The following LRP2 variants were observed in gnomAD, a reference collection of about 807,000 sequenced individuals.
LRP2 encodes low-density lipoprotein receptor-related protein 2.
LRP2 carries 172 observed loss-of-function variants against 531.0 expected under a neutral mutation model. That is an observed-to-expected ratio of 0.32 (90% CI 0.29 to 0.37). LRP2 has a LOEUF of 0.37. LRP2 is among the 10% of genes least tolerant of loss of function. LRP2 has a pLI of 1.00. For synonymous variants in LRP2, 1,992 were observed against 2,027.6 expected, an observed-to-expected ratio of 0.98 and a Z score of 0.47; for missense variants, 5,167 against 5,868.3, an observed-to-expected ratio of 0.88 and a Z score of 3.90.
At position 169,176,459 on chromosome 2, in the gene LRP2, C is replaced by G; in HGVS notation, c.10523G>C (p.Cys3508Ser). ...RTLQLSGSTY[C>S]MPMCSSTQFL... Reference sequence around the variant, plus strand: ...CTGGGTGCTGGAGCACATGGGCATGCAGTAGGTGCTGCCACTCAGCTGAAG... The same window carrying G: ...CTGGGTGCTGGAGCACATGGGCATGGAGTAGGTGCTGCCACTCAGCTGAAG... The change falls in exon 54 of 79, where the codon TGC (cysteine) becomes TCC (serine). Residue 3508 changes from cysteine (C) to serine (S), a missense_variant. Physicochemically the swap from Cys to Ser is moderately radical, Grantham distance 112 (BLOSUM62 -1). Coordinates refer to ENST00000649046, the MANE Select transcript of LRP2 (RefSeq NM_004525.3). 6.2e-7 allele frequency: 1 copy of G among 1,614,182 alleles called. No individual in the cohort carries two copies. The highest frequency in any genetic ancestry group is 8.5e-7 in the Non-Finnish European group (1 of 1,180,020).
At chr2:169,278,701 A>G (rs1157683759) in intron 12 of LRP2, among the ~76,000 whole-genome samples, 1 of 152,250 alleles carries the variant, frequency 6.6e-6, no homozygotes, top group Non-Finnish European at 1.5e-5. Flanking sequence ...CTGAATAATC[A>G]TCATTCACAA....
At chr2:169,283,272 T>C (rs1683755504) in intron 9 of LRP2, among the ~76,000 whole-genome samples, 1 of 152,228 alleles carries the variant, frequency 6.6e-6, no homozygotes, top group Non-Finnish European at 1.5e-5. Flanking sequence ...TGGTACTGCA[T>C]TTCATTTATT....
intron 37 of LRP2, 69 bp downstream of exon 37, chr2:169,211,899 T>C: frequency 6.3e-7 from 1 of 1,599,774 alleles, no homozygotes; most frequent in Admixed American, 1.7e-5. Flanking sequence ...AGAAATGTTT[T>C]CATGGCACCA....
rs1419894813 is a variant in LRP2, at chr2:169,157,377, A to G, written c.12013T>C (p.Cys4005Arg). Residue 4005 changes from cysteine (C) to arginine (R), a missense_variant, in exon 64 of 79, where the codon TGT becomes CGT. Physicochemically the swap from Cys to Arg is radical, Grantham distance 180. This residue lies in a region of LRP2 where 564 missense variants were observed against 747.7 expected (regional missense o/e 0.75). Transcript: ENST00000649046. ...TGGAAAAAATATACTCTACCTAGAC[A>G]GGAGGTTCTGTCAAAAACATTGGTT... ...FETNVFDRTS[C>R]LDINECEQFG... The G allele has an allele frequency of 6.2e-7, 1 of 1,613,300 alleles. No homozygotes were observed.
chr2:169,361,355 T>A (rs1559092792), intron 1 of LRP2, among the ~76,000 whole-genome samples: 1 of 94,238 alleles, frequency 1.1e-5, no homozygotes, highest in Non-Finnish European at 2.2e-5. Context: ...TCTCTGTCTC[T>A]CTCTCTCTCT....
intron 63 of LRP2, among the ~76,000 whole-genome samples, chr2:169,160,204 T>G (rs1196652013): frequency 1.3e-5 from 2 of 152,198 alleles, no homozygotes; most frequent in Non-Finnish European, 2.9e-5. Flanking sequence ...TATACCTGAA[T>G]GGTGCTAGAA....
At chr2:169,199,755 G>T (rs970074791) in intron 44 of LRP2, among the ~76,000 whole-genome samples, 3 of 151,940 alleles carry the variant, frequency 2.0e-5, no homozygotes, top group Non-Finnish European at 4.4e-5. Flanking sequence ...GAAGAATCTC[G>T]CACTTAGTAG....
chr2:169,268,260 G>A lies in LRP2; in HGVS notation c.2320+2644C>T, dbSNP rs137901764. Reference sequence around the variant, plus strand: ...GAATCATCCCTAATTCATTTTATGAGGCCAACATCATTCTGATACCAAAGC... The same window carrying A: ...GAATCATCCCTAATTCATTTTATGAAGCCAACATCATTCTGATACCAAAGC... On this transcript the variant is annotated intron_variant, in intron 16 of 78. Transcript: ENST00000649046. Among the ~76,000 whole-genome samples the A allele has an allele frequency of 2.9e-3, 437 of 152,154 alleles. 4 individuals carry two copies. The highest frequency in any genetic ancestry group is 9.9e-3 in the African/African-American group (412 of 41,542).
At chr2:169,318,326 C>T (rs1244636239) in intron 3 of LRP2, among the ~76,000 whole-genome samples, 1 of 151,946 alleles carries the variant, frequency 6.6e-6, no homozygotes, top group Admixed American at 6.6e-5. Flanking sequence ...CCAAGAAGCC[C>T]TCCAACAAAC....
At chr2:169,361,452 C>T (rs181306595) in intron 1 of LRP2, among the ~76,000 whole-genome samples, 4 of 149,404 alleles carry the variant, frequency 2.7e-5, no homozygotes, top group Admixed American at 2.0e-4. Context: ...CGTTCTCTTC[C>T]CTCCTTCTTT....
At chr2:169,270,740 A>T (rs1683387267) in intron 16 of LRP2, among the ~76,000 whole-genome samples, 164 bp downstream of exon 16, 2 of 146,014 alleles carry the variant, frequency 1.4e-5, no homozygotes, top group South Asian at 4.4e-4. Context: ...TGTACCCTAG[A>T]ACTTAAAGTA....
At chr2:169,141,026 T>C (rs758447465) in intron 71 of LRP2, among the ~76,000 whole-genome samples, 5 of 152,176 alleles carry the variant, frequency 3.3e-5, no homozygotes, top group Admixed American at 6.5e-5. Context: ...GGCAGTTAGC[T>C]AGAGAGCTCC....
At chr2:169,140,256 G>C (rs905368390) in intron 72 of LRP2, among the ~76,000 whole-genome samples, 199 bp downstream of exon 72, 2 of 152,222 alleles carry the variant, frequency 1.3e-5, no homozygotes, top group Admixed American at 1.3e-4. Context: ...AGATCTCCAC[G>C]GGATTCTTAT....
intron 67 of LRP2, among the ~76,000 whole-genome samples, chr2:169,151,260 T>C (rs1686109399): frequency 6.6e-6 from 1 of 152,160 alleles, no homozygotes; most frequent in South Asian, 2.1e-4. Flanking sequence ...CCAAAGCACC[T>C]GAATCACGCA....
chr2:169,158,026 A>G (rs940435213), intron 63 of LRP2, among the ~76,000 whole-genome samples: 3 of 150,446 alleles, frequency 2.0e-5, no homozygotes, highest in African/African-American at 2.4e-5. Context: ...TTTTAAGAAG[A>G]CTATAATTTC....
chr2:169,156,831 G>A (rs1686349590), intron 64 of LRP2, among the ~76,000 whole-genome samples: 1 of 152,154 alleles, frequency 6.6e-6, no homozygotes, highest in African/African-American at 2.4e-5. Context: ...TAAGCTTCAA[G>A]TCCAAAAGGA....
chr2:169,245,027 G>T, intron 21 of LRP2, 95 bp from the exon 22 acceptor site: 1 of 1,324,260 alleles, frequency 7.6e-7, no homozygotes, highest in Non-Finnish European at 1.1e-6. Flanking sequence ...CTTTTTTAAT[G>T]GAGGCATTGT....
chr2:169,308,763 G>T (rs1684501158), intron 3 of LRP2, among the ~76,000 whole-genome samples: 1 of 152,158 alleles, frequency 6.6e-6, no homozygotes, highest in Non-Finnish European at 1.5e-5. Flanking sequence ...GGGTCAAATG[G>T]TATTTCTAGT....
chr2:169,353,283 G>C (rs1412132624), intron 1 of LRP2, among the ~76,000 whole-genome samples: 1 of 152,128 alleles, frequency 6.6e-6, no homozygotes, highest in East Asian at 1.9e-4. Context: ...CCCCTGGATA[G>C]GATCAAGGAA....
Sources: allele counts gnomAD v4.1 joint callset (sites outside exome capture counted in the v4.1 genomes callset), GRCh38; gene constraint gnomAD v4.1.1; regional missense constraint gnomAD v4.1.1; transcripts MANE v1.5; gene names NCBI Gene and HGNC (gene_info 2026-07-23, HGNC 2026-07-21).